CSGALNACT1: variants seen among roughly 807,000 people sequenced by gnomAD.
CSGALNACT1 encodes the protein beta4GalNAcT-1.
A neutral mutation model predicts 51.0 loss-of-function variants in CSGALNACT1; 52 were observed. The ratio of observed to expected loss-of-function variants is 1.02; its 90% CI spans 0.82 to 1.29. The LOEUF (loss-of-function observed/expected upper bound fraction) is 1.29. Among genes scored for constraint, CSGALNACT1 ranks in the 50% most tolerant of loss-of-function variants. The pLI is 0.00. For synonymous variants in CSGALNACT1, 341 were observed against 254.4 expected (o/e 1.34, Z -3.24); for missense variants, 935 against 679.2 (o/e 1.38, Z -4.19).
chr8:19,494,066 C>G (rs917556409), intron 4 of CSGALNACT1, among the ~76,000 whole-genome samples: 2 of 152,232 alleles, frequency 1.3e-5, no homozygotes, highest in East Asian at 1.9e-4. Context: ...AAATGGTCAA[C>G]AAACCATTGA....
intron 6 of CSGALNACT1, among the ~76,000 whole-genome samples, chr8:19,421,608 AAAAGGTACAG>A (rs1195476784): frequency 6.6e-6 from 1 of 152,168 alleles, no homozygotes; most frequent in Admixed American, 6.5e-5. Context: ...GTTTCTTTCC[AAAAGGTACAG>A]AAACTCATTT....
chr8:19,659,014 C>T (rs1430788558), intron 1 of CSGALNACT1, among the ~76,000 whole-genome samples: 3 of 152,134 alleles, frequency 2.0e-5, no homozygotes, highest in African/African-American at 7.2e-5. Context: ...TCCCAGTCAT[C>T]TAAGTAATGA....
At chr8:19,541,397 C>G (rs952875575) in intron 3 of CSGALNACT1, among the ~76,000 whole-genome samples, 3 of 151,222 alleles carry the variant, frequency 2.0e-5, no homozygotes, top group Non-Finnish European at 4.4e-5. Flanking sequence ...ACTACAGGCA[C>G]TTGCCACCAC....
intron 1 of CSGALNACT1, among the ~76,000 whole-genome samples, chr8:19,656,153 G>A (rs971279468): frequency 7.2e-5 from 11 of 152,288 alleles, no homozygotes; most frequent in African/African-American, 2.4e-4. Context: ...CTGACCAATA[G>A]CAACAAAGTG....
intron 1 of CSGALNACT1, among the ~76,000 whole-genome samples, chr8:19,665,789 C>G (rs1475697370): frequency 3.3e-5 from 5 of 152,172 alleles, no homozygotes; most frequent in African/African-American, 9.7e-5. Context: ...GTTAATTACA[C>G]CTGGGATAAT....
chr8:19,486,521 T>G (rs141034535), intron 4 of CSGALNACT1, among the ~76,000 whole-genome samples: 1 of 152,150 alleles, frequency 6.6e-6, no homozygotes, highest in African/African-American at 2.4e-5. Context: ...GCTCTGCCCC[T>G]GCACACTGCC....
intron 1 of CSGALNACT1, among the ~76,000 whole-genome samples, chr8:19,701,153 GTT>G (rs767074945): frequency 1.5e-4 from 14 of 93,272 alleles, no homozygotes; most frequent in African/African-American, 4.5e-4. Context: ...TCTATTATCC[GTT>G]TTTTTTTTTT....
intron 1 of CSGALNACT1, among the ~76,000 whole-genome samples, chr8:19,741,238 T>C (rs2064293816): frequency 6.6e-6 from 1 of 152,094 alleles, no homozygotes; most frequent in Admixed American, 6.5e-5. Context: ...GAGCTCCCTA[T>C]AGTAGGAAAA....
intron 4 of CSGALNACT1, among the ~76,000 whole-genome samples, chr8:19,471,688 G>A (rs77839635): frequency 0.027 from 4,118 of 152,232 alleles, 172 homozygotes; most frequent in African/African-American, 0.093. Context: ...AGGAGCAGAG[G>A]AGCCTAAGGA....
At chr8:19,653,155 G>C (rs1034542173) in intron 1 of CSGALNACT1, among the ~76,000 whole-genome samples, 1 of 152,136 alleles carries the variant, frequency 6.6e-6, no homozygotes, top group African/African-American at 2.4e-5. Context: ...TATCCACTCA[G>C]TTAACCCAAC....
intron 5 of CSGALNACT1, among the ~76,000 whole-genome samples, chr8:19,446,635 T>A (rs2062168076): frequency 6.6e-6 from 1 of 152,082 alleles, no homozygotes; most frequent in Non-Finnish European, 1.5e-5. Context: ...CACCCTAACT[T>A]CCCGAGCAGC....
chr8:19,515,097 C>G (rs1349524301), intron 3 of CSGALNACT1, among the ~76,000 whole-genome samples: 1 of 152,006 alleles, frequency 6.6e-6, no homozygotes, highest in African/African-American at 2.4e-5. Flanking sequence ...TCCCCCATTC[C>G]TTCGGGAACC....
intron 1 of CSGALNACT1, among the ~76,000 whole-genome samples, chr8:19,666,987 G>GA (rs1176347570): frequency 6.4e-4 from 16 of 24,886 alleles, no homozygotes; most frequent in African/African-American, 4.2e-3. Context: ...AAGAAAGAAA[G>GA]AAAGAAAGAA....
chr8:19,492,570 T>C (rs1444195425), intron 4 of CSGALNACT1, among the ~76,000 whole-genome samples: 2 of 152,334 alleles, frequency 1.3e-5, no homozygotes, highest in African/African-American at 4.8e-5. Context: ...AAGCCTCACC[T>C]GTGTCATGTC....
At chr8:19,412,588 T>C (rs989892430) in intron 8 of CSGALNACT1, among the ~76,000 whole-genome samples, 5 of 152,242 alleles carry the variant, frequency 3.3e-5, no homozygotes, top group African/African-American at 1.2e-4. Context: ...TGGTCTACCT[T>C]GCATTCACAG....
At chr8:19,703,233 G>A (rs1009102551) in intron 1 of CSGALNACT1, among the ~76,000 whole-genome samples, 2 of 152,076 alleles carry the variant, frequency 1.3e-5, no homozygotes, top group African/African-American at 2.4e-5. Flanking sequence ...AGCCATTGAC[G>A]TGGCATGTGA....
At chr8:19,421,405 C>T (rs1252966770) in intron 6 of CSGALNACT1, among the ~76,000 whole-genome samples, 4 of 152,250 alleles carry the variant, frequency 2.6e-5, no homozygotes, top group Admixed American at 2.6e-4. Flanking sequence ...TCCACGAATT[C>T]ATTCCATGCC....
At chr8:19,451,360 G>A (rs1055068903) in intron 5 of CSGALNACT1, among the ~76,000 whole-genome samples, 2 of 152,066 alleles carry the variant, frequency 1.3e-5, no homozygotes, top group Non-Finnish European at 2.9e-5. Flanking sequence ...TATTGTTATT[G>A]AGTCCTTGTT....
At position 19,580,377 on chromosome 8, in the gene CSGALNACT1, T is replaced by A. The variant is rs544155854; in HGVS notation, c.-297+10783A>T. ...ATGACCATGGCACTCAACTTAAGAG[T>A]TGACATTTAGGGCCTAGTATGGACA... On this transcript the variant is annotated intron_variant, in intron 3 of 9. Transcript: ENST00000454498. 2.0e-5 allele frequency among the ~76,000 whole-genome samples: 3 copies of A among 152,234 alleles called. No individual in the cohort carries two copies. The East Asian group carries it at 5.8e-4, about 29-fold the overall frequency.
Sources: allele counts gnomAD v4.1 joint callset (sites outside exome capture counted in the v4.1 genomes callset), GRCh38; gene constraint gnomAD v4.1.1; transcripts MANE v1.5; gene names NCBI Gene and HGNC (gene_info 2026-07-23, HGNC 2026-07-21).